Variants in NEK10 observed in about 807,000 individuals in gnomAD.
NEK10 encodes serine/threonine-protein kinase Nek10.
Under a neutral mutation model 159.8 loss-of-function variants are expected in NEK10, and 122 were observed. The observed-to-expected ratio is 0.76, with a 90% CI of 0.66 to 0.89. The LOEUF is 0.89. Ranked by LOEUF, NEK10 falls within the 40% of genes least tolerant of loss-of-function variation. The probability of loss-of-function intolerance (pLI) is 0.00; values close to 1 mark genes in which losing one functional copy is unlikely to be tolerated. For synonymous variants in NEK10, 466 were observed against 457.1 expected (o/e 1.02, Z -0.25); for missense variants, 1,342 against 1,323.1 (o/e 1.01, Z -0.22).
chr3:27,171,931 T>G (rs1360729104), intron 28 of NEK10, 58 bp from the exon 29 acceptor site: 1 of 1,543,924 alleles, frequency 6.5e-7, no homozygotes, highest in Non-Finnish European at 8.8e-7. Flanking sequence ...CTTTTATTTT[T>G]TATGTTTTAA....
chr3:27,158,473 G>A (rs1176960952), intron 30 of NEK10, among the ~76,000 whole-genome samples: 8 of 152,014 alleles, frequency 5.3e-5, no homozygotes, highest in African/African-American at 1.4e-4. Flanking sequence ...TAGAATATTT[G>A]AGCAAAAAAT....
chr3:27,340,570 A>T (rs182372885), intron 5 of NEK10, among the ~76,000 whole-genome samples: 1 of 152,350 alleles, frequency 6.6e-6, no homozygotes, highest in African/African-American at 2.4e-5. Flanking sequence ...AACTCTCAAA[A>T]GAAGACATAC....
At chr3:27,309,067 T>C in intron 9 of NEK10, 62 bp from the exon 10 acceptor site, 1 of 806,408 alleles carries the variant, frequency 1.2e-6, no homozygotes, top group Non-Finnish European at 2.0e-6. Flanking sequence ...TTTTTCAACA[T>C]TAACATTAAT....
chr3:27,166,293 C>T (rs141575173), intron 29 of NEK10, among the ~76,000 whole-genome samples: 1 of 152,120 alleles, frequency 6.6e-6, no homozygotes. Context: ...CCCTCCTACT[C>T]CAATAACAGC....
intron 26 of NEK10, among the ~76,000 whole-genome samples, chr3:27,190,782 C>T (rs1431469110): frequency 6.6e-6 from 1 of 152,122 alleles, no homozygotes; most frequent in East Asian, 1.9e-4. Context: ...ATTTAGAATG[C>T]AACATGACAT....
At chr3:27,231,279 T>G (rs942715425) in intron 23 of NEK10, among the ~76,000 whole-genome samples, 2 of 151,696 alleles carry the variant, frequency 1.3e-5, no homozygotes, top group African/African-American at 2.4e-5. Context: ...ATATGAAAAT[T>G]TAAAAATTAT....
rs535545364 is a variant in NEK10, at chr3:27,347,772, C to A, written c.133-1556G>T. Among the ~76,000 whole-genome samples, 10 of 152,238 alleles carry A rather than the reference C, an allele frequency of 6.6e-5. No individual in the cohort carries two copies. In the East Asian group the frequency reaches 1.9e-3, roughly 29 times the overall value. ...ACCACCAAAAGACAATAGGCTGAGC[C>A]AGCAATGCTTAGTGGTTAAGAGAAC... is the stretch of plus-strand genomic sequence containing the variant. On this transcript the variant is annotated intron_variant, in intron 3 of 35. Coordinates refer to ENST00000691995, the MANE Select transcript of NEK10 (RefSeq NM_001394966.1).
intron 6 of NEK10, among the ~76,000 whole-genome samples, chr3:27,320,084 G>A (rs1015016819): frequency 1.3e-5 from 2 of 152,196 alleles, no homozygotes; most frequent in African/African-American, 4.8e-5. Flanking sequence ...TGAGCACGTG[G>A]TCTTCTGTGT....
chr3:27,272,706 T>C (rs546609096), intron 22 of NEK10, among the ~76,000 whole-genome samples: 1 of 152,244 alleles, frequency 6.6e-6, no homozygotes, highest in East Asian at 1.9e-4. Context: ...ATGTTCTAGG[T>C]GCTGAACCAG....
intron 1 of NEK10, among the ~76,000 whole-genome samples, chr3:27,356,315 C>T (rs2048322988): frequency 6.6e-6 from 1 of 152,050 alleles, no homozygotes; most frequent in South Asian, 2.1e-4. Context: ...AGTTTGAAAC[C>T]ACCCTGGGCA....
intron 15 of NEK10, 127 bp downstream of exon 15, chr3:27,295,485 AT>A: frequency 9.2e-7 from 1 of 1,089,710 alleles, no homozygotes. Flanking sequence ...CTTGCCAGAT[AT>A]TTTTCCCTCA....
intron 22 of NEK10, among the ~76,000 whole-genome samples, chr3:27,274,960 T>C (rs1482360801): frequency 6.6e-6 from 1 of 152,120 alleles, no homozygotes; most frequent in Non-Finnish European, 1.5e-5. Flanking sequence ...AGTTAAAAGC[T>C]CTCAGAGAAC....
chr3:27,284,843 T>C lies in NEK10; in HGVS notation c.1908A>G (p.Ile636Met), dbSNP rs773558884. ...TTTAATGAAGATAAAAGCATACCTG[T>C]ATAAATATTTTCCATAGTCTTTCTT... ...FTEERLWKIF[I>M]QLCLALRYLH... The change falls in exon 21 of 36, where the codon ATA (isoleucine) becomes ATG (methionine). Residue 636 changes from isoleucine to methionine, a missense_variant. Coordinates refer to ENST00000691995, the MANE Select transcript of NEK10 (RefSeq NM_001394966.1). The C allele has an allele frequency of 1.9e-6, 3 of 1,580,276 alleles. No individual in the cohort carries two copies. Among genetic ancestry groups the C allele is most frequent in the Admixed American group, 1.7e-5 (1 of 59,266 alleles).
intron 1 of NEK10, among the ~76,000 whole-genome samples, chr3:27,359,381 A>G (rs1248893698): frequency 6.6e-6 from 1 of 152,188 alleles, no homozygotes; most frequent in African/African-American, 2.4e-5. Flanking sequence ...ACTGACAAGA[A>G]GTCTCTGTTT....
At chr3:27,285,810 C>T (rs1322675777) in intron 20 of NEK10, among the ~76,000 whole-genome samples, 1 of 152,116 alleles carries the variant, frequency 6.6e-6, no homozygotes, top group African/African-American at 2.4e-5. Flanking sequence ...CATTAAGCAG[C>T]CTTATATTTC....
chr3:27,144,470 T>C (rs557057844), intron 30 of NEK10, among the ~76,000 whole-genome samples: 3 of 152,346 alleles, frequency 2.0e-5, no homozygotes, highest in East Asian at 3.9e-4. Flanking sequence ...CAAGGATACA[T>C]TGTAACAAAT....
rs572626910 is a variant in NEK10 at position 27,107,721 on chromosome 3, G to C, written c.*3551C>G. On this transcript the variant is annotated 3_prime_UTR_variant, in exon 36 of 36. Coordinates refer to ENST00000691995, the MANE Select transcript of NEK10 (RefSeq NM_001394966.1). ...GGGTGCCAAGAAGCTGTTTCAGATAGATTTCTTTGCATTGCCTCTCCAAGT... is the reference window on the plus strand; with the variant it reads ...GGGTGCCAAGAAGCTGTTTCAGATACATTTCTTTGCATTGCCTCTCCAAGT... Among the ~76,000 whole-genome samples the C allele has an allele frequency of 6.6e-6, 1 of 152,096 alleles. No individual in the cohort carries two copies.
chr3:27,159,724 A>T (rs931484309), intron 30 of NEK10, among the ~76,000 whole-genome samples: 8 of 152,116 alleles, frequency 5.3e-5, no homozygotes, highest in African/African-American at 1.9e-4. Flanking sequence ...TTTTAATACA[A>T]GTAATGTAAA....
At position 27,166,634 on chromosome 3, in the gene NEK10, G is replaced by T. The variant is rs551539930; in HGVS notation, c.2832-3896C>A. On this transcript the variant is annotated intron_variant, in intron 29 of 35. Coordinates refer to ENST00000691995, the MANE Select transcript of NEK10 (RefSeq NM_001394966.1). ...CCAGTCACAAATATGAAGCTGAATT[G>T]TCACAAACATCCACAATCATCTTCA... Among the ~76,000 whole-genome samples, 22 of 152,306 alleles carry T rather than the reference G, an allele frequency of 1.4e-4. No individual in the cohort carries two copies. In the South Asian group the frequency reaches 4.6e-3, roughly 32 times the overall value.
Sources: allele counts gnomAD v4.1 joint callset (sites outside exome capture counted in the v4.1 genomes callset), GRCh38; gene constraint gnomAD v4.1.1; transcripts MANE v1.5; gene names NCBI Gene and HGNC (gene_info 2026-07-23, HGNC 2026-07-21).